Variants in HDAC9 observed in about 807,000 individuals in gnomAD.
HDAC9 encodes the protein MEF-2 interacting transcription repressor (MITR) protein.
HDAC9 carries 41 observed loss-of-function variants against 139.4 expected under a neutral mutation model. That is an observed-to-expected ratio of 0.29 (90% CI 0.23 to 0.38). The LOEUF is 0.38. Among genes scored for constraint, HDAC9 ranks in the 10% least tolerant of loss-of-function variants. The pLI is 1.00. For missense variants in HDAC9, 1,147 were observed against 1,297.0 expected, an observed-to-expected ratio of 0.88 and a Z score of 1.78; for synonymous variants, 517 against 476.2, an observed-to-expected ratio of 1.09 and a Z score of -1.12.
rs898016362 is a variant in HDAC9, at chr7:18,819,498, C to CT, written c.2323-9654dup. Among the ~76,000 whole-genome samples the CT allele has an allele frequency of 6.6e-5, 10 of 151,100 alleles. No homozygotes were observed. The South Asian group carries it at 8.4e-4, about 13-fold the overall frequency. ...TAGACTAGTCTAAAATGATCAGATT[C>CT]TTTTTTTTTCAAATCCAGTTTTGCA... On this transcript the variant is annotated intron_variant, in intron 17 of 25. Coordinates refer to ENST00000686413, the MANE Select transcript of HDAC9 (RefSeq NM_178425.4).
rs74652401 is a variant in HDAC9 at position 18,498,146 on chromosome 7, A to G, written c.22+1822A>G. On this transcript the variant is annotated intron_variant, in intron 2 of 25. Coordinates refer to ENST00000686413, the MANE Select transcript of HDAC9 (RefSeq NM_178425.4). ...CCCAAAACCTGTCTGGTATAAATAC[A>G]TAATCACTAAGTTCTATTTATTTTT... 6.4e-3 allele frequency among the ~76,000 whole-genome samples: 971 copies of G among 152,314 alleles called. 10 individuals are homozygous for G. Among genetic ancestry groups the G allele is most frequent in the African/African-American group, 0.023 (941 of 41,576 alleles).
intron 2 of HDAC9, among the ~76,000 whole-genome samples, chr7:18,282,605 T>A (rs931982620): frequency 5.3e-5 from 8 of 152,162 alleles, no homozygotes; most frequent in Admixed American, 5.2e-4. Context: ...AGAATTCTGC[T>A]CACTTGGATT....
chr7:18,696,592 C>T (rs113922851), intron 12 of HDAC9, among the ~76,000 whole-genome samples: 180 of 151,720 alleles, frequency 1.2e-3, no homozygotes, highest in African/African-American at 4.0e-3. Context: ...CTCAGCCTCC[C>T]GAGTAGCTGG....
chr7:18,618,244 C>T (rs1839210853), intron 6 of HDAC9, among the ~76,000 whole-genome samples: 1 of 152,034 alleles, frequency 6.6e-6, no homozygotes, highest in South Asian at 2.1e-4. Flanking sequence ...TCAGGAATGG[C>T]TGTTATTGTC....
chr7:18,156,658 A>G (rs1384948558), intron 1 of HDAC9, among the ~76,000 whole-genome samples: 1 of 152,232 alleles, frequency 6.6e-6, no homozygotes, highest in Non-Finnish European at 1.5e-5. Flanking sequence ...ACTGAAGAAC[A>G]TAGTCTCATC....
At chr7:18,959,252 C>A (rs1405955149) in intron 24 of HDAC9, among the ~76,000 whole-genome samples, 3 of 152,112 alleles carry the variant, frequency 2.0e-5, no homozygotes. Context: ...GTTTGAAAGA[C>A]TATCACTTTA....
chr7:18,445,195 TTAATCAACTG>T (rs1440661588), intron 1 of HDAC9, among the ~76,000 whole-genome samples: 10 of 152,196 alleles, frequency 6.6e-5, no homozygotes, highest in Admixed American at 6.5e-5. Flanking sequence ...GATTACCTAC[TTAATCAACTG>T]TAATCAACTT....
chr7:18,207,994 G>T (rs932179643), intron 2 of HDAC9, among the ~76,000 whole-genome samples: 17 of 152,124 alleles, frequency 1.1e-4, no homozygotes, highest in Admixed American at 1.0e-3. Flanking sequence ...GATTACAGGT[G>T]TGAGCCACTG....
chr7:18,884,841 G>A (rs1354479678), intron 22 of HDAC9, among the ~76,000 whole-genome samples: 1 of 152,052 alleles, frequency 6.6e-6, no homozygotes, highest in African/African-American at 2.4e-5. Context: ...CCACATCCCT[G>A]TTTCTCAATA....
intron 1 of HDAC9, among the ~76,000 whole-genome samples, chr7:18,114,640 T>C (rs550301598): frequency 6.6e-6 from 1 of 152,346 alleles, no homozygotes; most frequent in Non-Finnish European, 1.5e-5. Flanking sequence ...TCAATCTAGA[T>C]GGAGCAGTCC....
chr7:18,205,600 TTTGA>T (rs1199555392), intron 2 of HDAC9, among the ~76,000 whole-genome samples: 1 of 152,114 alleles, frequency 6.6e-6, no homozygotes, highest in African/African-American at 2.4e-5. Flanking sequence ...CTAATGAAAG[TTTGA>T]TTATGATCTA....
At chr7:18,099,761 A>G (rs1782728792) in intron 1 of HDAC9, among the ~76,000 whole-genome samples, 1 of 152,202 alleles carries the variant, frequency 6.6e-6, no homozygotes, top group Admixed American at 6.5e-5. Flanking sequence ...TTTTCAGGTA[A>G]CTACTGGAAA....
chr7:18,386,245 C>T (rs551987552), intron 1 of HDAC9, among the ~76,000 whole-genome samples: 1 of 152,244 alleles, frequency 6.6e-6, no homozygotes, highest in South Asian at 2.1e-4. Flanking sequence ...TTTCTGGCAG[C>T]CCCATAATGT....
chr7:18,129,970 C>G (rs558991066), intron 1 of HDAC9, among the ~76,000 whole-genome samples: 1 of 152,252 alleles, frequency 6.6e-6, no homozygotes, highest in South Asian at 2.1e-4. Context: ...TAAGAGAGAT[C>G]TACTCTTGAC....
chr7:18,990,016 A>C (rs1376830424), intron 25 of HDAC9, among the ~76,000 whole-genome samples: 1 of 151,922 alleles, frequency 6.6e-6, no homozygotes, highest in East Asian at 1.9e-4. Context: ...CCCGTAGCTC[A>C]GAGTAATTTG....
At chr7:18,956,184 C>T (rs942379627) in intron 24 of HDAC9, among the ~76,000 whole-genome samples, 1 of 152,030 alleles carries the variant, frequency 6.6e-6, no homozygotes, top group Non-Finnish European at 1.5e-5. Flanking sequence ...TATTTTACAC[C>T]ACCCAACAGT....
At chr7:18,739,129 C>T (rs561933074) in intron 13 of HDAC9, among the ~76,000 whole-genome samples, 8 of 152,324 alleles carry the variant, frequency 5.3e-5, no homozygotes, top group African/African-American at 1.9e-4. Flanking sequence ...TTCAGGTCTT[C>T]TCTACACTGT....
At chr7:18,110,654 C>T (rs574748531) in intron 1 of HDAC9, among the ~76,000 whole-genome samples, 2 of 152,118 alleles carry the variant, frequency 1.3e-5, no homozygotes, top group African/African-American at 4.8e-5. Context: ...GATGGTAGAG[C>T]ACACCTGATA....
At chr7:18,115,237 G>T (rs1783898686) in intron 1 of HDAC9, among the ~76,000 whole-genome samples, 1 of 151,258 alleles carries the variant, frequency 6.6e-6, no homozygotes, top group African/African-American at 2.4e-5. Context: ...AGCTTGCAGT[G>T]AGCAGAGATT....
Sources: allele counts gnomAD v4.1 joint callset (sites outside exome capture counted in the v4.1 genomes callset), GRCh38; gene constraint gnomAD v4.1.1; transcripts MANE v1.5; gene names NCBI Gene and HGNC (gene_info 2026-07-23, HGNC 2026-07-21).